Variants in MYH7B observed in about 807,000 individuals in gnomAD.
MYH7B encodes myosin-7B.
Under a neutral mutation model 234.5 loss-of-function variants are expected in MYH7B, and 205 were observed. The ratio of observed to expected loss-of-function variants is 0.87; its 90% confidence interval spans 0.78 to 0.98. The LOEUF is 0.98. MYH7B is among the 50% of genes least tolerant of loss of function. The probability of loss-of-function intolerance (pLI) is 0.00; values close to 1 mark genes in which losing one functional copy is unlikely to be tolerated. For missense variants in MYH7B, 2,652 were observed against 2,633.4 expected, an observed-to-expected ratio of 1.01 and a Z score of -0.15; for synonymous variants, 1,193 against 1,105.0, an observed-to-expected ratio of 1.08 and a Z score of -1.58.
intron 2 of MYH7B, among the ~76,000 whole-genome samples, chr20:34,967,181 A>G (rs1283139772): frequency 6.6e-6 from 1 of 152,044 alleles, no homozygotes; most frequent in Non-Finnish European, 1.5e-5. Context: ...GTGAGCCGAC[A>G]TCACGCCACT....
intron 5 of MYH7B, among the ~76,000 whole-genome samples, chr20:34,979,064 T>A (rs1411211515): frequency 6.6e-6 from 1 of 151,994 alleles, no homozygotes; most frequent in Non-Finnish European, 1.5e-5. Context: ...CCTAAGGAGA[T>A]CTCCATAACA....
chr20:34,986,942 A>G (rs1409383874), exon 15 of MYH7B: 1 of 1,614,118 alleles, frequency 6.2e-7, no homozygotes, highest in South Asian at 1.1e-5. Flanking sequence ...CCAGGGCGTC[A>G]TCACCGTGGA....
intron 2 of MYH7B, among the ~76,000 whole-genome samples, chr20:34,965,463 C>A (rs540684608): frequency 6.6e-4 from 100 of 152,372 alleles, no homozygotes; most frequent in Non-Finnish European, 1.1e-3. Context: ...GCAGAAGCCT[C>A]ACGCCAGGGG....
At chr20:34,991,022 T>G in exon 24 of MYH7B, 1 of 1,613,138 alleles carries the variant, frequency 6.2e-7, no homozygotes, top group Non-Finnish European at 8.5e-7. Flanking sequence ...GATGCCTTCT[T>G]GGTGCTACAC....
chr20:34,961,510 A>G (rs548419180), intron 2 of MYH7B, among the ~76,000 whole-genome samples: 36 of 152,358 alleles, frequency 2.4e-4, no homozygotes, highest in Non-Finnish European at 3.7e-4. Flanking sequence ...TTCATGCACC[A>G]TAAAACTCCC....
rs367805312 is a variant in MYH7B, at chr20:34,957,398, G to A, written c.-336-700G>A. Among the ~76,000 whole-genome samples, 16 of 152,064 alleles carry A rather than the reference G, an allele frequency of 1.1e-4. No homozygotes were observed. The South Asian group carries it at 3.3e-3, about 31-fold the overall frequency. Reference sequence around the variant, plus strand: ...GCAGCAGCTGTGGAGATGGAGCGAAGCGAACAGATCAAAGAAATTTAGGAG... The same window carrying A: ...GCAGCAGCTGTGGAGATGGAGCGAAACGAACAGATCAAAGAAATTTAGGAG... On this transcript the variant is annotated intron_variant, in intron 1 of 44. Transcript: ENST00000262873.
intron 32 of MYH7B, among the ~76,000 whole-genome samples, chr20:34,997,976 GCCTTAACCCCTGA>G (rs1363751296): frequency 1.3e-5 from 2 of 152,040 alleles, no homozygotes; most frequent in Non-Finnish European, 2.9e-5. Context: ...CAGCACCCTA[GCCTTAACCCCTGA>G]CCTTTCTACC....
chr20:34,964,500 G>A (rs563617715), intron 2 of MYH7B, among the ~76,000 whole-genome samples: 36 of 152,320 alleles, frequency 2.4e-4, no homozygotes, highest in African/African-American at 8.7e-4. Flanking sequence ...TGTGGGAGAG[G>A]ACGGTTGTCA....
At chr20:34,982,350 A>T in intron 9 of MYH7B, 109 bp from the exon 10 acceptor site, 1 of 911,728 alleles carries the variant, frequency 1.1e-6, no homozygotes, top group Admixed American at 2.0e-5. Flanking sequence ...TGGGGGTTTC[A>T]AGCTGGGGGG....
intron 6 of MYH7B, 78 bp downstream of exon 6, chr20:34,979,574 G>A (rs890387938): frequency 4.6e-5 from 74 of 1,601,704 alleles, no homozygotes; most frequent in Non-Finnish European, 6.1e-5. Flanking sequence ...TCTGGTTGAA[G>A]GGGGTCTGGG....
At chr20:34,973,993 C>T (rs927683213) in intron 2 of MYH7B, among the ~76,000 whole-genome samples, 19 of 147,966 alleles carry the variant, frequency 1.3e-4, no homozygotes, top group African/African-American at 4.0e-4. Flanking sequence ...GGTGCGATCT[C>T]GGCTCACTGC....
rs145576632 is a variant in MYH7B at position 35,001,919 on chromosome 20, C to T, written c.5677-29C>T. 5.9e-3 allele frequency: 9,523 copies of T among 1,601,290 alleles called. 48 individuals are homozygous for T. The highest frequency in any genetic ancestry group is 7.0e-3 in the Non-Finnish European group (8,216 of 1,172,730). ...AGAATAAGCATCTCAGTCACCCAAG[C>T]GGAACCAAGGCCCTGTGTGTGCCCC... is the stretch of plus-strand genomic sequence containing the variant. On this transcript the variant is annotated intron_variant, in intron 43 of 44. Transcript: ENST00000262873.
exon 10 of MYH7B, chr20:34,982,545 G>T: frequency 6.2e-7 from 1 of 1,606,038 alleles, no homozygotes; most frequent in South Asian, 1.1e-5. Context: ...GACGGGCCGG[G>T]CAAGAAGGCC....
chr20:35,001,340 C>A, exon 42 of MYH7B: 1 of 1,608,876 alleles, frequency 6.2e-7, no homozygotes, highest in South Asian at 1.1e-5. Flanking sequence ...TCAAGGAGCT[C>A]GCATACCAGG....
At chr20:34,960,911 A>G (rs143348189) in intron 2 of MYH7B, among the ~76,000 whole-genome samples, 3 of 152,264 alleles carry the variant, frequency 2.0e-5, no homozygotes, top group African/African-American at 7.2e-5. Flanking sequence ...TACTCTGCCT[A>G]TTTTACCGAG....
At chr20:34,979,696 G>C in exon 7 of MYH7B, 1 of 1,614,184 alleles carries the variant, frequency 6.2e-7, no homozygotes, top group Non-Finnish European at 8.5e-7. Context: ...TGCAGCCCAT[G>C]AACCCGCCTC....
intron 10 of MYH7B, among the ~76,000 whole-genome samples, chr20:34,982,850 T>G (rs557821583): frequency 2.6e-5 from 4 of 152,346 alleles, no homozygotes; most frequent in Admixed American, 2.0e-4. Context: ...CCTTCATATA[T>G]TGAAAGAGTT....
intron 27 of MYH7B, among the ~76,000 whole-genome samples, chr20:34,995,096 C>A (rs1373950643): frequency 6.6e-6 from 1 of 152,252 alleles, no homozygotes; most frequent in Non-Finnish European, 1.5e-5. Context: ...TCTCAGAACC[C>A]TTGTTTGGGC....
In MYH7B at chr20:34,984,885, A is replaced by G. The variant is rs563043125; in HGVS notation, c.680A>G (p.Asn227Ser). Residue 227 changes from asparagine (N) to serine (S), a missense_variant, in exon 12 of 45, where the codon AAC (asparagine) becomes AGC (serine). This residue lies in a region of MYH7B where 366 missense variants were observed against 401.2 expected (regional missense o/e 0.91). Coordinates refer to ENST00000262873, the Ensembl canonical transcript of MYH7B. Reference sequence around the variant, plus strand: ...CTTGAGGATCAAATCATCGAGGCCAACCCTGCCATGGAGGCCTTTGGCAAC... The same window carrying G: ...CTTGAGGATCAAATCATCGAGGCCAGCCCTGCCATGGAGGCCTTTGGCAAC... The G allele has an allele frequency of 5.6e-6, 9 of 1,614,066 alleles. No individual in the cohort carries two copies. In the East Asian group the frequency reaches 1.8e-4, roughly 32 times the overall value.
Sources: gnomAD v4.1 joint callset for allele counts (sites outside exome capture counted in the v4.1 genomes callset) on GRCh38, gnomAD v4.1.1 for gene constraint, gnomAD v4.1.1 regional missense constraint, MANE v1.5 for transcripts, NCBI Gene and HGNC (gene_info 2026-07-23, HGNC 2026-07-21) for gene names.